The following SBF2 variants were observed in gnomAD, a reference collection of about 807,000 sequenced individuals.
SBF2 encodes the protein SET binding factor 2.
In SBF2, 112 loss-of-function variants were observed where a neutral mutation model predicts 225.2. That is an observed-to-expected ratio of 0.50 (90% CI 0.43 to 0.58). The LOEUF (loss-of-function observed/expected upper bound fraction) is 0.58. SBF2 is among the 20% of genes least tolerant of loss of function. The pLI is 0.00. For synonymous variants in SBF2, 763 were observed against 773.3 expected, an observed-to-expected ratio of 0.99 and a Z score of 0.22; for missense variants, 1,996 against 2,206.2, an observed-to-expected ratio of 0.90 and a Z score of 1.91.
At chr11:9,957,971 C>T (rs904748535) in intron 16 of SBF2, 3 of 151,894 alleles carry the variant, frequency 2.0e-5, no homozygotes, top group African/African-American at 7.3e-5. Context: ...CAACCCCTAC[C>T]TTCTCTCCTA....
chr11:10,230,613 T>G (rs1958800313), intron 1 of SBF2, among the ~76,000 whole-genome samples: 3 of 152,216 alleles, frequency 2.0e-5, no homozygotes, highest in Admixed American at 6.5e-5. Flanking sequence ...GAAAATTCTT[T>G]TCTTTAAGAA....
chr11:9,879,427 T>C (rs946542208), intron 17 of SBF2, among the ~76,000 whole-genome samples: 1 of 152,082 alleles, frequency 6.6e-6, no homozygotes, highest in Non-Finnish European at 1.5e-5. Flanking sequence ...TAAATGAAAA[T>C]ATTAGAGTCC....
At chr11:10,193,520 A>C (rs1957260069) in intron 2 of SBF2, among the ~76,000 whole-genome samples, 1 of 151,834 alleles carries the variant, frequency 6.6e-6, no homozygotes, top group Non-Finnish European at 1.5e-5. Context: ...ACGCCCGGCT[A>C]ATTTTTGTAT....
At chr11:10,208,918 A>G (rs1458619086) in intron 1 of SBF2, among the ~76,000 whole-genome samples, 2 of 152,288 alleles carry the variant, frequency 1.3e-5, no homozygotes, top group Non-Finnish European at 1.5e-5. Flanking sequence ...CCAATTGCAG[A>G]TAAGACTAGT....
chr11:9,791,919 G>A (rs1288937955), intron 33 of SBF2, among the ~76,000 whole-genome samples: 1 of 152,154 alleles, frequency 6.6e-6, no homozygotes, highest in East Asian at 1.9e-4. Context: ...TCTTGTAATT[G>A]GAACCAAGTC....
chr11:10,274,620 G>A (rs1962806199), intron 1 of SBF2, among the ~76,000 whole-genome samples: 1 of 151,802 alleles, frequency 6.6e-6, no homozygotes, highest in Non-Finnish European at 1.5e-5. Flanking sequence ...GAGTGGTGGT[G>A]GGCACCTGTA....
Position 10,153,071 on chromosome 11 carries a change from C to A in SBF2, c.141+40831G>T, listed in dbSNP as rs138145369. ...ATTTTCTACAATGATAAAGAGGATTCATTTCATTCTGTAGATAGTGGGATG... is the reference window on the plus strand; with the variant it reads ...ATTTTCTACAATGATAAAGAGGATTAATTTCATTCTGTAGATAGTGGGATG... On this transcript the variant is annotated intron_variant, in intron 2 of 39. Coordinates refer to ENST00000256190, the MANE Select transcript of SBF2 (RefSeq NM_030962.4). Among the ~76,000 whole-genome samples, 376 of 152,288 alleles carry A rather than the reference C, an allele frequency of 2.5e-3. 1 individual carries two copies. The highest frequency in any genetic ancestry group is 8.7e-3 in the African/African-American group (360 of 41,564).
At chr11:10,242,867 A>G (rs1403176176) in intron 1 of SBF2, among the ~76,000 whole-genome samples, 1 of 152,244 alleles carries the variant, frequency 6.6e-6, no homozygotes, top group Non-Finnish European at 1.5e-5. Flanking sequence ...GGAGAAATAG[A>G]TAGCAATAGA....
chr11:10,076,283 T>C (rs757432229), intron 2 of SBF2, among the ~76,000 whole-genome samples: 4 of 152,216 alleles, frequency 2.6e-5, no homozygotes, highest in African/African-American at 4.8e-5. Context: ...GTGCTCCATA[T>C]GCACTCCCGT....
intron 2 of SBF2, among the ~76,000 whole-genome samples, chr11:10,046,986 G>A (rs907071901): frequency 2.0e-5 from 3 of 151,272 alleles, no homozygotes; most frequent in Non-Finnish European, 2.9e-5. Flanking sequence ...TATGTCAGAA[G>A]TAAGTGGAAT....
At chr11:10,208,212 A>G (rs1240693582) in intron 1 of SBF2, among the ~76,000 whole-genome samples, 2 of 152,088 alleles carry the variant, frequency 1.3e-5, no homozygotes, top group Non-Finnish European at 2.9e-5. Context: ...CAGGCACGGT[A>G]AACCAACAAA....
chr11:10,012,713 C>T (rs1019644566), intron 6 of SBF2, among the ~76,000 whole-genome samples: 3 of 151,846 alleles, frequency 2.0e-5, no homozygotes, highest in Non-Finnish European at 2.9e-5. Context: ...ATGCCTCTTG[C>T]TTTTTGGTAA....
At chr11:10,261,229 A>G (rs1171116998) in intron 1 of SBF2, among the ~76,000 whole-genome samples, 1 of 152,166 alleles carries the variant, frequency 6.6e-6, no homozygotes, top group East Asian at 1.9e-4. Context: ...TTGAAACAGT[A>G]TCTCACTCTG....
At chr11:9,841,129 G>A (rs570073991) in intron 25 of SBF2, among the ~76,000 whole-genome samples, 15 of 152,092 alleles carry the variant, frequency 9.9e-5, no homozygotes, top group Non-Finnish European at 1.6e-4. Context: ...TAAAAAAGCA[G>A]AACATCAACA....
chr11:10,229,130 G>C (rs1958710578), intron 1 of SBF2, among the ~76,000 whole-genome samples: 1 of 152,070 alleles, frequency 6.6e-6, no homozygotes, highest in Non-Finnish European at 1.5e-5. Context: ...TTCTCTGATG[G>C]TAGTTTGTAT....
At chr11:10,077,583 T>C (rs190214390) in intron 2 of SBF2, among the ~76,000 whole-genome samples, 53 of 152,340 alleles carry the variant, frequency 3.5e-4, no homozygotes, top group African/African-American at 1.2e-3. Context: ...TGGCAAGCCA[T>C]ATGCAGAAAG....
At chr11:10,075,330 T>C (rs1951054032) in intron 2 of SBF2, among the ~76,000 whole-genome samples, 1 of 152,226 alleles carries the variant, frequency 6.6e-6, no homozygotes, top group South Asian at 2.1e-4. Flanking sequence ...TAATAAACAC[T>C]GTTATAGAAT....
chr11:9,829,405 G>A lies in SBF2; in HGVS notation c.3744C>T (p.Leu1248=). 1 of 1,614,008 alleles carries A rather than the reference G, an allele frequency of 6.2e-7. No homozygotes were observed. ...TGACAGTAAGAGTGCTGTTGCCTCT[G>A]AGTTTCTGATGGACAGAAACAGCAT... ...LLNAVSVHQK[L]RGNSTLTVRP... Residue 1248 remains leucine, a synonymous_variant, in exon 28 of 40, where the codon CTC becomes CTT. Coordinates refer to ENST00000256190, the MANE Select transcript of SBF2 (RefSeq NM_030962.4).
At chr11:10,078,729 G>A (rs191743775) in intron 2 of SBF2, among the ~76,000 whole-genome samples, 6 of 152,204 alleles carry the variant, frequency 3.9e-5, no homozygotes, top group South Asian at 2.1e-4. Flanking sequence ...GTATACCTAC[G>A]TAACAAACCT....
Sources: gnomAD v4.1 joint callset for allele counts (sites outside exome capture counted in the v4.1 genomes callset) on GRCh38, gnomAD v4.1.1 for gene constraint, MANE v1.5 for transcripts, NCBI Gene and HGNC (gene_info 2026-07-23, HGNC 2026-07-21) for gene names.